KCTD21: variants seen among roughly 807,000 people sequenced by gnomAD.
KCTD21 encodes the protein potassium channel tetramerization domain containing 21.
Under a neutral mutation model 13.2 loss-of-function variants are expected in KCTD21, and 9 were observed. That is an observed-to-expected ratio of 0.68 (90% CI 0.41 to 1.19). KCTD21 has a LOEUF of 1.19. Among genes scored for constraint, KCTD21 ranks in the 50% most tolerant of loss-of-function variants. KCTD21 has a pLI of 0.01. For synonymous variants in KCTD21, 142 were observed against 137.4 expected (o/e 1.03, Z -0.23); for missense variants, 303 against 336.5 (o/e 0.90, Z 0.78).
intron 1 of KCTD21, chr11:78,187,332 C>A: frequency 3.0e-6 from 3 of 985,410 alleles, no homozygotes; most frequent in Non-Finnish European, 3.6e-6. Context: ...CAGTCCATAT[C>A]TCTAAGAAAT....
Position 78,174,390 on chromosome 11 carries a change from C to T in KCTD21, c.165G>A (p.Val55=), listed in dbSNP as rs1004081407. The T allele has an allele frequency of 1.9e-6, 3 of 1,613,988 alleles. No individual in the cohort carries two copies. Among genetic ancestry groups the T allele is most frequent in the Non-Finnish European group, 2.5e-6 (3 of 1,180,034 alleles). ...GCAGGAAGTTGAGGATATAGCGGAACACTTTGCCGTCACGGTCAATGAAGC... is the reference window on the plus strand; with the variant it reads ...GCAGGAAGTTGAGGATATAGCGGAATACTTTGCCGTCACGGTCAATGAAGC... ...GNCFIDRDGK[V]FRYILNFLRT... Residue 55 remains valine, a synonymous_variant, in exon 2 of 2, where the codon GTG becomes GTA. Transcript: ENST00000340067.
rs192344589 is a variant in KCTD21, at chr11:78,175,810, G to A, written c.-29-1227C>T. Among the ~76,000 whole-genome samples the A allele has an allele frequency of 7.8e-3, 1,192 of 151,940 alleles. 7 individuals carry two copies. Among genetic ancestry groups the A allele is most frequent in the African/African-American group, 0.024 (982 of 41,382 alleles). ...AGGTTAGTTACATATGTATACATGC[G>A]CCATGCTGGTGTGCTGCACCCATTA... On this transcript the variant is annotated intron_variant, in intron 1 of 1. Transcript: ENST00000340067.
intron 1 of KCTD21, among the ~76,000 whole-genome samples, chr11:78,183,569 T>C (rs1862690374): frequency 6.6e-6 from 1 of 150,818 alleles, no homozygotes; most frequent in Non-Finnish European, 1.5e-5. Flanking sequence ...GAGTCCATAA[T>C]GTTATTCCCA....
intron 1 of KCTD21, among the ~76,000 whole-genome samples, chr11:78,185,662 G>T (rs961199899): frequency 2.0e-5 from 3 of 151,978 alleles, no homozygotes; most frequent in Admixed American, 2.0e-4. Context: ...CGTGATCCTG[G>T]CTCACTGCGA....
intron 1 of KCTD21, chr11:78,187,246 G>C: frequency 1.0e-6 from 1 of 985,182 alleles, no homozygotes; most frequent in Non-Finnish European, 1.2e-6. Flanking sequence ...GAAGCCCCTA[G>C]GACGACTACC....
At chr11:78,187,232 C>A (rs1862807054) in intron 1 of KCTD21, 1 of 985,216 alleles carries the variant, frequency 1.0e-6, no homozygotes, top group African/African-American at 1.7e-5. Context: ...GGACTCTTTG[C>A]CTTGAAGCCC....
chr11:78,172,106 G>T lies in KCTD21; in HGVS notation c.*1666C>A, dbSNP rs995404222. On this transcript the variant is annotated 3_prime_UTR_variant, in exon 2 of 2. Transcript: ENST00000340067. ...TTGGCTTTGAGGACCCCTGCCCAGT[G>T]GGGGAGGACCCTGGGGACTCTCAAG... 3.2e-4 allele frequency: 48 copies of T among 152,312 alleles called. No homozygotes were observed. The highest frequency in any genetic ancestry group is 9.6e-4 in the African/African-American group (40 of 41,472). The allele number at this position is 152,312 out of a possible 1,614,324, so 9.4% of individuals were successfully genotyped here. A position where few individuals can be genotyped will look rare whatever the true frequency, so the allele number is the denominator to read the frequency against.
chr11:78,188,305 G>A, intron 1 of KCTD21: 1 of 950,196 alleles, frequency 1.1e-6, no homozygotes, highest in Non-Finnish European at 1.2e-6. Context: ...CCACAGTCCC[G>A]ACCCTCATTA....
intron 1 of KCTD21, among the ~76,000 whole-genome samples, chr11:78,176,580 T>G (rs1295377171): frequency 1.3e-5 from 2 of 152,158 alleles, no homozygotes; most frequent in Non-Finnish European, 2.9e-5. Flanking sequence ...CAAGAGGAAC[T>G]GGCCCCAGTA....
chr11:78,183,736 C>T (rs867518247), intron 1 of KCTD21, among the ~76,000 whole-genome samples: 5 of 150,248 alleles, frequency 3.3e-5, no homozygotes, highest in African/African-American at 9.8e-5. Flanking sequence ...CCAGGGTTCA[C>T]GCCATTCTCC....
At chr11:78,179,283 T>A (rs1862548594) in intron 1 of KCTD21, among the ~76,000 whole-genome samples, 1 of 151,770 alleles carries the variant, frequency 6.6e-6, no homozygotes, top group South Asian at 2.1e-4. Context: ...GATCTGCCCA[T>A]CCAGGCCTCC....
rs1478192922 is a variant in KCTD21, at chr11:78,172,143, T to C, written c.*1629A>G. ...TGGGGACTCTCAAGGCCAAACTCAC[T>C]TTAGGGATGAATCATGACGTGCAGT... On this transcript the variant is annotated 3_prime_UTR_variant, in exon 2 of 2. Transcript: ENST00000340067. 6.6e-6 allele frequency: 1 copy of C among 152,166 alleles called. No homozygotes were observed. Among genetic ancestry groups the C allele is most frequent in the Non-Finnish European group, 1.5e-5 (1 of 68,064 alleles). The allele number at this position is 152,166 out of a possible 1,614,324, so 9.4% of individuals were successfully genotyped here.
intron 1 of KCTD21, chr11:78,187,426 C>T (rs1935905278): frequency 7.1e-6 from 7 of 985,336 alleles, no homozygotes; most frequent in Non-Finnish European, 8.4e-6. Flanking sequence ...GAATGAGCTG[C>T]GCAAAAGGCA....
rs1354242830 is a variant in KCTD21, at chr11:78,174,376, A to T, written c.179T>A (p.Leu60His). 2 of 1,613,786 alleles carry T rather than the reference A, an allele frequency of 1.2e-6. No homozygotes were observed. The highest frequency in any genetic ancestry group is 2.7e-5 in the African/African-American group (2 of 74,838). ...DRDGKVFRYI[L>H]NFLRTSHLDL... Reference sequence around the variant, plus strand: ...AAGGTGGGAGGTCCGCAGGAAGTTGAGGATATAGCGGAACACTTTGCCGTC... The same window carrying T: ...AAGGTGGGAGGTCCGCAGGAAGTTGTGGATATAGCGGAACACTTTGCCGTC... Residue 60 changes from leucine (L) to histidine (H), a missense_variant, in exon 2 of 2, where the codon CTC becomes CAC. Leu to His is a moderately conservative substitution (Grantham distance 99, BLOSUM62 -3). Coordinates refer to ENST00000340067, the MANE Select transcript of KCTD21 (RefSeq NM_001029859.3).
At chr11:78,181,276 G>A (rs1485114573) in intron 1 of KCTD21, among the ~76,000 whole-genome samples, 1 of 152,166 alleles carries the variant, frequency 6.6e-6, no homozygotes, top group Non-Finnish European at 1.5e-5. Flanking sequence ...ACAACTAATT[G>A]TAAACAGATA....
rs1017011963 is a variant in KCTD21 at position 78,184,754 on chromosome 11, A to G, written c.-30+3819T>C. On this transcript the variant is annotated intron_variant, in intron 1 of 1. Coordinates refer to ENST00000340067, the MANE Select transcript of KCTD21 (RefSeq NM_001029859.3). ...TATAAGGTATTTTTGGGCAATTAGA[A>G]TTTTTTTTTTCTTGAGACAGGGTCT... is the stretch of plus-strand genomic sequence containing the variant. 8.6e-5 allele frequency among the ~76,000 whole-genome samples: 10 copies of G among 116,446 alleles called. No individual in the cohort carries two copies. In the East Asian group the frequency reaches 3.7e-3, roughly 43 times the overall value. 76.4% of individuals were successfully genotyped at this position (116,446 alleles called of 152,430 possible). A position where few individuals can be genotyped will look rare whatever the true frequency, so the allele number is the denominator to read the frequency against.
intron 1 of KCTD21, among the ~76,000 whole-genome samples, chr11:78,179,930 G>A (rs1862565952): frequency 6.6e-6 from 1 of 152,112 alleles, no homozygotes; most frequent in South Asian, 2.1e-4. Context: ...GCAGCACCCA[G>A]CATTCCACCT....
At chr11:78,182,538 G>A (rs892726238) in intron 1 of KCTD21, among the ~76,000 whole-genome samples, 3 of 152,182 alleles carry the variant, frequency 2.0e-5, no homozygotes, top group Admixed American at 1.3e-4. Context: ...TAATAAATGT[G>A]AAGAGACACA....
intron 1 of KCTD21, among the ~76,000 whole-genome samples, chr11:78,179,108 G>C (rs574544184): frequency 1.3e-5 from 2 of 151,990 alleles, no homozygotes; most frequent in African/African-American, 4.8e-5. Context: ...TCCTTGCTCC[G>C]GCCCACTCCC....
Sources: gnomAD v4.1 joint callset for allele counts (sites outside exome capture counted in the v4.1 genomes callset) on GRCh38, gnomAD v4.1.1 for gene constraint, MANE v1.5 for transcripts, NCBI Gene and HGNC (gene_info 2026-07-23, HGNC 2026-07-21) for gene names.